ANK2: variants seen among roughly 807,000 people sequenced by gnomAD.
ANK2 encodes ankyrin-2.
In ANK2, 83 loss-of-function variants were observed where a neutral mutation model predicts 360.5. That is an observed-to-expected ratio of 0.23 (90% CI 0.19 to 0.28). The LOEUF is 0.28. Among genes scored for constraint, ANK2 ranks in the 10% least tolerant of loss-of-function variants. ANK2 has a pLI of 1.00. For missense variants in ANK2, 4,201 were observed against 4,795.7 expected (o/e 0.88, Z 3.66); for synonymous variants, 1,740 against 1,759.5 (o/e 0.99, Z 0.28).
intron 2 of ANK2, among the ~76,000 whole-genome samples, chr4:112,957,622 G>A (rs1199567416): frequency 6.7e-6 from 1 of 149,944 alleles, no homozygotes; most frequent in African/African-American, 2.5e-5. Flanking sequence ...CTCCCGGACG[G>A]GGCGGCTGGC....
the ANK2 span, among the ~76,000 whole-genome samples, chr4:112,726,807 C>CCGCCACT: frequency 6.7e-6 from 1 of 148,402 alleles, no homozygotes; most frequent in Non-Finnish European, 1.5e-5. Context: ...GCCAAGATCA[C>CCGCCACT]CGCCACTGCA....
At chr4:113,327,730 C>T (rs1257521435) in intron 26 of ANK2, among the ~76,000 whole-genome samples, 1 of 152,146 alleles carries the variant, frequency 6.6e-6, no homozygotes, top group Non-Finnish European at 1.5e-5. Flanking sequence ...ATGACGAAAC[C>T]ATCATGTGAC....
At chr4:112,792,334 C>T in the ANK2 span, among the ~76,000 whole-genome samples, 1 of 152,062 alleles carries the variant, frequency 6.6e-6, no homozygotes, top group Non-Finnish European at 1.5e-5. Context: ...AACCACCGTG[C>T]CCTGCGACAA....
intron 2 of ANK2, among the ~76,000 whole-genome samples, chr4:112,984,741 A>AT (rs1233928939): frequency 2.6e-5 from 4 of 152,178 alleles, no homozygotes; most frequent in Admixed American, 6.5e-5. Flanking sequence ...GTTATTGACT[A>AT]TTTTCCAAAA....
intron 2 of ANK2, among the ~76,000 whole-genome samples, chr4:113,184,662 C>T (rs1399847449): frequency 6.6e-6 from 1 of 152,010 alleles, no homozygotes. Context: ...GAGATTTTGC[C>T]AACTGATGTT....
At chr4:112,812,958 G>A in the ANK2 span, among the ~76,000 whole-genome samples, 3 of 152,048 alleles carry the variant, frequency 2.0e-5, no homozygotes, top group East Asian at 1.9e-4. Context: ...TCTGGTCATC[G>A]GCTGGGCGCG....
the ANK2 span, among the ~76,000 whole-genome samples, chr4:112,735,619 C>T: frequency 6.6e-6 from 1 of 152,238 alleles, no homozygotes; most frequent in East Asian, 1.9e-4. Flanking sequence ...TCTCATTTCC[C>T]CAAACCACTG....
intron 1 of ANK2, among the ~76,000 whole-genome samples, chr4:113,105,642 T>C (rs1172973531): frequency 6.6e-6 from 1 of 152,218 alleles, no homozygotes; most frequent in South Asian, 2.1e-4. Flanking sequence ...GGTTCATTTG[T>C]GAAACAATTT....
intron 1 of ANK2, among the ~76,000 whole-genome samples, chr4:113,140,628 A>C (rs2096602215): frequency 6.6e-6 from 1 of 152,196 alleles, no homozygotes; most frequent in South Asian, 2.1e-4. Flanking sequence ...GCCACTTTAA[A>C]GACTCATGGC....
chr4:112,957,451 T>C (rs1328693255), intron 2 of ANK2, among the ~76,000 whole-genome samples: 2 of 152,254 alleles, frequency 1.3e-5, no homozygotes, highest in Admixed American at 6.5e-5. Context: ...GATTTCTCAA[T>C]CTTTTCCCCG....
the ANK2 span, chr4:112,788,752 G>T: frequency 3.9e-6 from 6 of 1,549,708 alleles, no homozygotes; most frequent in Non-Finnish European, 3.5e-6. Flanking sequence ...TGGATGTCCT[G>T]TCCAATGCCA....
intron 1 of ANK2, among the ~76,000 whole-genome samples, chr4:113,159,831 A>G (rs981634884): frequency 2.0e-5 from 3 of 152,004 alleles, no homozygotes; most frequent in Admixed American, 1.3e-4. Flanking sequence ...TATGTTGGCC[A>G]GGCTGGTCTC....
At position 113,124,594 on chromosome 4, in the gene ANK2, C is replaced by G. The variant is rs529154139; in HGVS notation, c.85-49822C>G. 2.0e-5 allele frequency among the ~76,000 whole-genome samples: 3 copies of G among 152,190 alleles called. No homozygotes were observed. The East Asian group carries it at 5.8e-4, about 29-fold the overall frequency. On this transcript the variant is annotated intron_variant, in intron 1 of 45. Transcript: ENST00000357077. ...TTTCCAGAGCAGTCAGAAAGGGATT[C>G]CTTACTCAGTTGTACAGGATTCTGA... is the stretch of plus-strand genomic sequence containing the variant.
At chr4:112,755,497 C>T in the ANK2 span, among the ~76,000 whole-genome samples, 537 of 152,136 alleles carry the variant, frequency 3.5e-3, 3 homozygotes, top group Admixed American at 7.0e-3. Flanking sequence ...TTGGGATAGG[C>T]GGTAGAGTTT....
intron 1 of ANK2, among the ~76,000 whole-genome samples, chr4:113,115,374 G>A (rs2094658594): frequency 6.6e-6 from 1 of 152,098 alleles, no homozygotes; most frequent in Admixed American, 6.6e-5. Context: ...TCAGATCAGA[G>A]AAAGCTAATG....
intron 1 of ANK2, among the ~76,000 whole-genome samples, chr4:113,135,786 T>A (rs2096371593): frequency 6.6e-6 from 1 of 152,166 alleles, no homozygotes; most frequent in Non-Finnish European, 1.5e-5. Context: ...CATGTTCAGA[T>A]GGCCACCAAC....
At chr4:113,191,715 A>T (rs113535695) in intron 2 of ANK2, among the ~76,000 whole-genome samples, 2 of 152,212 alleles carry the variant, frequency 1.3e-5, no homozygotes, top group Admixed American at 1.3e-4. Flanking sequence ...TACTTCACAA[A>T]TTACAAACAG....
chr4:113,333,285 G>A (rs2153944862), intron 29 of ANK2, 77 bp downstream of exon 29: 1 of 1,512,866 alleles, frequency 6.6e-7, no homozygotes, highest in Non-Finnish European at 9.1e-7. Flanking sequence ...TTATGACCTA[G>A]GGGTGTGTGT....
chr4:112,761,279 T>C, the ANK2 span, among the ~76,000 whole-genome samples: 93 of 152,266 alleles, frequency 6.1e-4, no homozygotes, highest in African/African-American at 2.2e-3. Flanking sequence ...TTTGTAAGCC[T>C]TTCTATGGTG....
Sources: gnomAD v4.1 joint callset for allele counts (sites outside exome capture counted in the v4.1 genomes callset) on GRCh38, gnomAD v4.1.1 for gene constraint, MANE v1.5 for transcripts, NCBI Gene and HGNC (gene_info 2026-07-23, HGNC 2026-07-21) for gene names.